The following IL1RAPL1 variants were observed in gnomAD, a reference collection of about 807,000 sequenced individuals.
IL1RAPL1 encodes the protein interleukin-1 receptor accessory protein-like 1.
Under a neutral mutation model 48.4 loss-of-function variants are expected in IL1RAPL1, and 3 were observed. The observed-to-expected ratio is 0.06, with a 90% CI of 0.03 to 0.16. IL1RAPL1 has a LOEUF of 0.16. Among genes scored for constraint, IL1RAPL1 ranks in the 10% least tolerant of loss-of-function variants. IL1RAPL1 has a pLI of 1.00. For synonymous variants in IL1RAPL1, 185 were observed against 187.7 expected (o/e 0.99, Z 0.12); for missense variants, 349 against 530.6 (o/e 0.66, Z 3.36).
intron 6 of IL1RAPL1, among the ~76,000 whole-genome samples, chrX:29,670,869 G>A (rs1286486860): frequency 8.9e-6 from 1 of 111,769 alleles, no homozygotes; most frequent in Non-Finnish European, 1.9e-5. Flanking sequence ...CGCCCATGAT[G>A]GGGAACTTAT....
At chrX:29,317,013 G>C (rs916179760) in intron 3 of IL1RAPL1, among the ~76,000 whole-genome samples, 1 of 111,363 alleles carries the variant, frequency 9.0e-6, no homozygotes, top group Non-Finnish European at 1.9e-5. Flanking sequence ...AGTTTTTAAG[G>C]TTTCTCTGGG....
chrX:29,338,891 T>G (rs777608410), intron 3 of IL1RAPL1, among the ~76,000 whole-genome samples: 1 of 110,950 alleles, frequency 9.0e-6, no homozygotes, highest in Non-Finnish European at 1.9e-5. Context: ...TTTGGTCTGA[T>G]TTTGATGACA....
chrX:28,736,900 C>T (rs993179096), intron 1 of IL1RAPL1, among the ~76,000 whole-genome samples: 2 of 111,336 alleles, frequency 1.8e-5, no homozygotes, highest in Admixed American at 9.6e-5. Context: ...ATTTTCTTAA[C>T]TCTGTTTTTA....
intron 5 of IL1RAPL1, among the ~76,000 whole-genome samples, chrX:29,621,071 G>A (rs1924445745): frequency 8.9e-6 from 1 of 111,854 alleles, no homozygotes; most frequent in South Asian, 3.7e-4. Flanking sequence ...GCTTACAGTG[G>A]ATGTTAAGAA....
At chrX:29,212,191 T>C (rs1309411829) in intron 2 of IL1RAPL1, among the ~76,000 whole-genome samples, 5 of 111,419 alleles carry the variant, frequency 4.5e-5, no homozygotes, top group Non-Finnish European at 9.4e-5. Flanking sequence ...TCACATCCCA[T>C]CCCTAATAAA....
intron 5 of IL1RAPL1, among the ~76,000 whole-genome samples, chrX:29,633,464 T>TAC (rs1318485796): frequency 1.0e-4 from 10 of 99,116 alleles, no homozygotes; most frequent in African/African-American, 3.7e-4. Flanking sequence ...TATCGATATA[T>TAC]ATATACACAC....
chrX:29,322,170 C>CTTTCTTTCTCT (rs200358776), intron 3 of IL1RAPL1, among the ~76,000 whole-genome samples: 1 of 110,657 alleles, frequency 9.0e-6, no homozygotes, highest in East Asian at 2.8e-4. Context: ...AGTTCAACAT[C>CTTTCTTTCTCT]TTTCTTTCTC....
intron 5 of IL1RAPL1, among the ~76,000 whole-genome samples, chrX:29,599,987 C>T (rs1360597631): frequency 1.8e-5 from 2 of 112,273 alleles, no homozygotes; most frequent in African/African-American, 6.5e-5. Context: ...ATTAACTTAA[C>T]AATCGACCTG....
At chrX:29,168,929 GTATA>G (rs1196243602) in intron 2 of IL1RAPL1, among the ~76,000 whole-genome samples, 4 of 81,689 alleles carry the variant, frequency 4.9e-5, no homozygotes, top group African/African-American at 1.7e-4. Flanking sequence ...ATGTACAATT[GTATA>G]TATATATTCA....
intron 2 of IL1RAPL1, among the ~76,000 whole-genome samples, chrX:29,113,976 G>A (rs1342375978): frequency 9.0e-6 from 1 of 110,993 alleles, no homozygotes; most frequent in African/African-American, 3.3e-5. Flanking sequence ...TAGTTTTTTT[G>A]TAATGCATTA....
At position 28,862,096 on chromosome X, in the gene IL1RAPL1, A is replaced by G. The variant is rs1238542330; in HGVS notation, c.82+72671A>G. Among the ~76,000 whole-genome samples, 3 of 112,202 alleles carry G rather than the reference A, an allele frequency of 2.7e-5. No individual in the cohort carries two copies. In the East Asian group the frequency reaches 8.4e-4, roughly 32 times the overall value. ...GAAGGAATAATTTTAGATAATTTATATCTAAAGTGTTACAAGCATTTTATG... is the reference window on the plus strand; with the variant it reads ...GAAGGAATAATTTTAGATAATTTATGTCTAAAGTGTTACAAGCATTTTATG... On this transcript the variant is annotated intron_variant, in intron 2 of 10. Transcript: ENST00000378993.
At chrX:28,762,813 CACACACACACAG>C (rs1313806528) in intron 1 of IL1RAPL1, among the ~76,000 whole-genome samples, 5 of 98,662 alleles carry the variant, frequency 5.1e-5, no homozygotes, top group African/African-American at 1.9e-4. Flanking sequence ...CACACACACA[CACACACACACAG>C]AGAGAGAGAG....
intron 6 of IL1RAPL1, among the ~76,000 whole-genome samples, chrX:29,727,769 T>C (rs1309702232): frequency 9.0e-6 from 1 of 111,590 alleles, no homozygotes; most frequent in Non-Finnish European, 1.9e-5. Context: ...AATTGGCAAG[T>C]GTGCTCTCAA....
intron 3 of IL1RAPL1, among the ~76,000 whole-genome samples, chrX:29,358,362 A>G (rs1274259631): frequency 9.1e-6 from 1 of 110,168 alleles, no homozygotes; most frequent in Admixed American, 9.8e-5. Context: ...AGAAAATTTC[A>G]TTGTCTGTGT....
chrX:29,471,218 GA>G (rs932002385), intron 5 of IL1RAPL1, among the ~76,000 whole-genome samples: 1 of 111,338 alleles, frequency 9.0e-6, no homozygotes, highest in African/African-American at 3.3e-5. Context: ...AAATAGGAGG[GA>G]AAAGAAAGGG....
chrX:29,155,975 G>T (rs1242463640), intron 2 of IL1RAPL1, among the ~76,000 whole-genome samples: 2 of 110,009 alleles, frequency 1.8e-5, no homozygotes, highest in Non-Finnish European at 3.8e-5. Flanking sequence ...TATGAATTTA[G>T]AATTCATTAT....
chrX:28,957,572 C>G (rs1924648282), intron 2 of IL1RAPL1, among the ~76,000 whole-genome samples: 1 of 111,428 alleles, frequency 9.0e-6, no homozygotes, highest in Admixed American at 9.6e-5. Flanking sequence ...TTACACAACA[C>G]CAGCCTCAAT....
At chrX:29,175,845 C>CAAAA (rs58728418) in intron 2 of IL1RAPL1, among the ~76,000 whole-genome samples, 18 of 37,781 alleles carry the variant, frequency 4.8e-4, no homozygotes, top group African/African-American at 1.6e-3. Context: ...GACTCTGTCT[C>CAAAA]AAAAAAAAAA....
intron 6 of IL1RAPL1, among the ~76,000 whole-genome samples, chrX:29,900,883 G>T (rs1932484049): frequency 8.9e-6 from 1 of 111,892 alleles, no homozygotes; most frequent in Non-Finnish European, 1.9e-5. Context: ...TACAGGCTAA[G>T]CTGGGTAACA....
Sources: allele counts gnomAD v4.1 joint callset (sites outside exome capture counted in the v4.1 genomes callset), GRCh38; gene constraint gnomAD v4.1.1; transcripts MANE v1.5; gene names NCBI Gene and HGNC (gene_info 2026-07-23, HGNC 2026-07-21).